The following BICD2 variants were observed in gnomAD, a reference collection of about 807,000 sequenced individuals.
BICD2 encodes protein bicaudal D homolog 2.
Under a neutral mutation model 72.9 loss-of-function variants are expected in BICD2, and 25 were observed. The observed-to-expected ratio is 0.34, with a 90% CI of 0.25 to 0.48. The LOEUF (loss-of-function observed/expected upper bound fraction) is 0.48, where lower values mean the gene tolerates loss of function less well. BICD2 is among the 20% of genes least tolerant of loss of function. The pLI, the probability that BICD2 is intolerant of heterozygous loss-of-function variation, is 0.99. For synonymous variants in BICD2, 501 were observed against 516.1 expected, an observed-to-expected ratio of 0.97 and a Z score of 0.40; for missense variants, 894 against 1,175.2, an observed-to-expected ratio of 0.76 and a Z score of 3.50.
At position 92,717,801 on chromosome 9, in the gene BICD2, T is replaced by C. The variant is rs1853348043; in HGVS notation, c.2254A>G (p.Thr752Ala). 6.2e-7 allele frequency: 1 copy of C among 1,608,646 alleles called. No individual in the cohort carries two copies. The highest frequency in any genetic ancestry group is 1.3e-5 in the African/African-American group (1 of 74,800). The change falls in exon 6 of 7, where the codon ACC becomes GCC. Residue 752 changes from threonine (T) to alanine (A), a missense_variant. Around this residue, in one of 5 missense-constraint regions of BICD2, gnomAD observed 321 missense variants for 443.9 expected, o/e 0.72. Transcript: ENST00000356884. ...GCCCGACAGCAGCACGGTTACCTGGTGGCAAACATAGCACGCAGCGAGGAG... is the reference window on the plus strand; with the variant it reads ...GCCCGACAGCAGCACGGTTACCTGGCGGCAAACATAGCACGCAGCGAGGAG... ...TFSSLRAMFATRCDEYITQLD... is the reference protein window; with the variant it reads ...TFSSLRAMFAARCDEYITQLD...
chr9:92,762,906 G>A (rs867476816), intron 1 of BICD2, among the ~76,000 whole-genome samples: 16 of 152,094 alleles, frequency 1.1e-4, no homozygotes, highest in Admixed American at 6.5e-5. Flanking sequence ...GGTGAGCCCC[G>A]CTACAGGAGA....
rs1853641009 is a variant in BICD2, at chr9:92,729,661, C to T, written c.241-425G>A. On this transcript the variant is annotated intron_variant, in intron 1 of 6. Transcript: ENST00000356884. ...AGGCAGAGGGAGTCTGTCCATCCTG[C>T]TGCCTGATGCTGGCTCATCCTTCAC... Among the ~76,000 whole-genome samples the T allele has an allele frequency of 2.0e-5, 3 of 152,356 alleles. No homozygotes were observed. The South Asian group carries it at 6.2e-4, about 32-fold the overall frequency.
chr9:92,762,619 T>C (rs890175505), intron 1 of BICD2, among the ~76,000 whole-genome samples: 1 of 152,176 alleles, frequency 6.6e-6, no homozygotes, highest in African/African-American at 2.4e-5. Flanking sequence ...ACCCTCCAGA[T>C]ACATGCCACG....
chr9:92,736,135 C>T lies in BICD2; in HGVS notation c.241-6899G>A, dbSNP rs553388140. Among the ~76,000 whole-genome samples the T allele has an allele frequency of 2.0e-5, 3 of 152,198 alleles. No homozygotes were observed. In the South Asian group the frequency reaches 6.2e-4, roughly 32 times the overall value. ...CACAGGATGTGATAGGAGGTTGGCA[C>T]AAGATACAGGTCATAAAGACATAAA... On this transcript the variant is annotated intron_variant, in intron 1 of 6. Coordinates refer to ENST00000356884, the MANE Select transcript of BICD2 (RefSeq NM_001003800.2).
chr9:92,747,832 G>A (rs1404026091), intron 1 of BICD2, among the ~76,000 whole-genome samples: 7 of 152,154 alleles, frequency 4.6e-5, no homozygotes, highest in Admixed American at 4.6e-4. Flanking sequence ...CCAGCAAGTG[G>A]CAAGGCTCAG....
At position 92,714,606 on chromosome 9, in the gene BICD2, G is replaced by C. The variant is rs905597777; in HGVS notation, c.*548C>G. 1 of 985,532 alleles carries C rather than the reference G, an allele frequency of 1.0e-6. No homozygotes were observed. The highest frequency in any genetic ancestry group is 1.2e-6 in the Non-Finnish European group (1 of 830,106). 61.0% of individuals were successfully genotyped at this position (985,532 alleles called of 1,614,324 possible). A position where few individuals can be genotyped will look rare whatever the true frequency, so the allele number is the denominator to read the frequency against. ...GGAAGAAATTCTGCACTTCTTTCCT[G>C]AATATGATTTGCAGTCAGATACTGC... is the stretch of plus-strand genomic sequence containing the variant. On this transcript the variant is annotated 3_prime_UTR_variant, in exon 7 of 7. Coordinates refer to ENST00000356884, the MANE Select transcript of BICD2 (RefSeq NM_001003800.2).
chr9:92,730,478 C>T (rs1215165965), intron 1 of BICD2, among the ~76,000 whole-genome samples: 1 of 152,194 alleles, frequency 6.6e-6, no homozygotes, highest in Admixed American at 6.5e-5. Flanking sequence ...TTCGTCCCAA[C>T]AGGAGACTGG....
At position 92,728,400 on chromosome 9, in the gene BICD2, T is replaced by C. The variant is rs1853608925; in HGVS notation, c.453+624A>G. ...ATTTCCAGATGTAGAGCCTGTGCCA[T>C]GTACCAATGGCTGTCCATGGGTACC... On this transcript the variant is annotated intron_variant, in intron 2 of 6. Coordinates refer to ENST00000356884, the MANE Select transcript of BICD2 (RefSeq NM_001003800.2). Among the ~76,000 whole-genome samples the C allele has an allele frequency of 2.6e-5, 4 of 152,338 alleles. No individual in the cohort carries two copies. The South Asian group carries it at 6.2e-4, about 24-fold the overall frequency.
intron 1 of BICD2, among the ~76,000 whole-genome samples, chr9:92,750,196 A>G (rs1281868636): frequency 6.6e-6 from 1 of 152,252 alleles, no homozygotes; most frequent in Non-Finnish European, 1.5e-5. Flanking sequence ...CTCTTGTTCA[A>G]TGCTGGCGGA....
chr9:92,764,799 T>TAGCCG lies in BICD2; in HGVS notation c.-56_-55insCGGCT. On this transcript the variant is annotated 5_prime_UTR_variant, in exon 1 of 7. Transcript: ENST00000356884. This position sits in a 1 kb window ranked among gnomAD's most constrained non-coding sequence, Gnocchi z 5.5. ...GAGGCTCTCGCAGGCCGGGCCCTCC[T>TAGCCG]CAGCCGCCGCCGCTGCCGCCGCCGC... 1 of 1,238,396 alleles carries TAGCCG rather than the reference T, an allele frequency of 8.1e-7. No homozygotes were observed. The highest frequency in any genetic ancestry group is 3.7e-5 in the East Asian group (1 of 26,936). The allele number at this position is 1,238,396 out of a possible 1,614,324, so 76.7% of individuals were successfully genotyped here.
Position 92,713,993 on chromosome 9 carries a change from G to C in BICD2, c.*1161C>G, listed in dbSNP as rs1284289049. On this transcript the variant is annotated 3_prime_UTR_variant, in exon 7 of 7. Transcript: ENST00000356884. Reference sequence around the variant, plus strand: ...AGGGTGATCGGGAAAAAAGTACTGAGAAAAGTTCTGCTCAGAATGTGGGAA... The same window carrying C: ...AGGGTGATCGGGAAAAAAGTACTGACAAAAGTTCTGCTCAGAATGTGGGAA... The C allele has an allele frequency of 1.0e-6, 1 of 987,422 alleles. No individual in the cohort carries two copies. The highest frequency in any genetic ancestry group is 1.2e-6 in the Non-Finnish European group (1 of 831,206). 61.2% of individuals were successfully genotyped at this position (987,422 alleles called of 1,614,324 possible).
At chr9:92,729,309 G>T in intron 1 of BICD2, 73 bp from the exon 2 acceptor site, 1 of 1,491,840 alleles carries the variant, frequency 6.7e-7, no homozygotes. Context: ...CAGCTCACAG[G>T]CGACATTCAT....
At chr9:92,728,896 C>T in intron 2 of BICD2, 128 bp downstream of exon 2, 1 of 1,025,858 alleles carries the variant, frequency 9.7e-7, no homozygotes, top group Non-Finnish European at 1.4e-6. Context: ...ACCAGGAAAG[C>T]AAGACAGACC....
chr9:92,763,257 C>A (rs1295610609), intron 1 of BICD2, among the ~76,000 whole-genome samples: 3 of 152,102 alleles, frequency 2.0e-5, no homozygotes, highest in Non-Finnish European at 4.4e-5. Context: ...ACGGGGGAGG[C>A]AAGGAAGGCT....
In BICD2 at chr9:92,714,379, G is replaced by A. The variant is rs1003775097; in HGVS notation, c.*775C>T. ...AGGACCAAGGTCTGGCCAGGCACTT[G>A]GAAAGCTTTTCTCATGAAAAATGAA... On this transcript the variant is annotated 3_prime_UTR_variant, in exon 7 of 7. Transcript: ENST00000356884. The A allele has an allele frequency of 2.6e-5, 26 of 985,360 alleles. 1 individual carries two copies. The highest frequency in any genetic ancestry group is 5.2e-5 in the African/African-American group (3 of 57,248). 61.0% of individuals were successfully genotyped at this position (985,360 alleles called of 1,614,324 possible).
intron 1 of BICD2, among the ~76,000 whole-genome samples, chr9:92,737,266 A>C (rs1853807803): frequency 6.6e-6 from 1 of 152,186 alleles, no homozygotes; most frequent in Non-Finnish European, 1.5e-5. Context: ...TAATTCACTT[A>C]CCAGAGCCTA....
chr9:92,744,784 T>C (rs1853974143), intron 1 of BICD2, among the ~76,000 whole-genome samples: 2 of 151,436 alleles, frequency 1.3e-5, no homozygotes, highest in Admixed American at 6.6e-5. Context: ...GAGGTAGCAG[T>C]GAGCCAAGAT....
chr9:92,751,235 C>T (rs184751409), intron 1 of BICD2, among the ~76,000 whole-genome samples: 14 of 152,144 alleles, frequency 9.2e-5, no homozygotes, highest in Admixed American at 3.3e-4. Flanking sequence ...ACTGCAACCT[C>T]GGCTTCCTGG....
chr9:92,743,091 C>A (rs186469908), intron 1 of BICD2, among the ~76,000 whole-genome samples: 5 of 152,352 alleles, frequency 3.3e-5, no homozygotes, highest in Admixed American at 3.3e-4. Context: ...TATGTTCCCA[C>A]TTGCAACATA....
Sources: gnomAD v4.1 joint callset for allele counts (sites outside exome capture counted in the v4.1 genomes callset) on GRCh38, gnomAD v4.1.1 for gene constraint, gnomAD v4.1.1 regional missense constraint, Gnocchi (gnomAD v3.1) non-coding constraint, MANE v1.5 for transcripts, NCBI Gene and HGNC (gene_info 2026-07-23, HGNC 2026-07-21) for gene names.